Variants in CCNY observed in about 807,000 individuals in gnomAD.
The protein encoded by CCNY is cyclin-Y.
A neutral mutation model predicts 42.8 loss-of-function variants in CCNY; 19 were observed. That is an observed-to-expected ratio of 0.44 (90% CI 0.31 to 0.65). CCNY has a LOEUF of 0.65. Ranked by LOEUF, CCNY falls within the 30% of genes least tolerant of loss-of-function variation. The pLI is 0.07. For synonymous variants in CCNY, 165 were observed against 162.7 expected, an observed-to-expected ratio of 1.01 and a Z score of -0.11; for missense variants, 370 against 437.3, an observed-to-expected ratio of 0.85 and a Z score of 1.37.
intron 1 of CCNY, among the ~76,000 whole-genome samples, chr10:35,470,758 C>T (rs1329969466): frequency 6.6e-6 from 1 of 152,216 alleles, no homozygotes; most frequent in Non-Finnish European, 1.5e-5. Flanking sequence ...TGACAGCCTC[C>T]TGGAGCAAAC....
At chr10:35,452,239 C>T (rs1838934168) in intron 1 of CCNY, among the ~76,000 whole-genome samples, 1 of 152,122 alleles carries the variant, frequency 6.6e-6, no homozygotes. Context: ...TACTGCATTC[C>T]ACACTTGAGG....
intron 1 of CCNY, among the ~76,000 whole-genome samples, chr10:35,425,988 G>A (rs933988647): frequency 1.3e-5 from 2 of 151,222 alleles, no homozygotes; most frequent in Non-Finnish European, 2.9e-5. Context: ...TTTTCACCCT[G>A]GGGGAGACTC....
At chr10:35,424,122 A>G (rs1043347869) in intron 1 of CCNY, among the ~76,000 whole-genome samples, 8 of 152,204 alleles carry the variant, frequency 5.3e-5, no homozygotes, top group African/African-American at 1.7e-4. Context: ...GAAGTTAGTA[A>G]TCATAGCTCC....
chr10:35,375,992 C>G (rs1021684117), intron 1 of CCNY, among the ~76,000 whole-genome samples: 5 of 152,160 alleles, frequency 3.3e-5, no homozygotes, highest in Non-Finnish European at 5.9e-5. Context: ...CTGGGGTGGG[C>G]TGGGTGCAGT....
rs570089192 is a variant in CCNY, at chr10:35,500,514, T to C, written c.230-987T>C. On this transcript the variant is annotated intron_variant, in intron 2 of 9. Coordinates refer to ENST00000374704, the MANE Select transcript of CCNY (RefSeq NM_145012.6). ...GGCATGGACTGTAAGGAGAAAACCT[T>C]CTTCTATCTTTTGTACACTGCTGTT... 2.6e-5 allele frequency among the ~76,000 whole-genome samples: 4 copies of C among 152,340 alleles called. No individual in the cohort carries two copies. The South Asian group carries it at 8.3e-4, about 32-fold the overall frequency.
chr10:35,395,861 C>T (rs1210102268), intron 1 of CCNY, among the ~76,000 whole-genome samples: 1 of 152,108 alleles, frequency 6.6e-6, no homozygotes, highest in East Asian at 1.9e-4. Context: ...TAGGGCTGGG[C>T]CTCTCCAGTG....
intron 1 of CCNY, among the ~76,000 whole-genome samples, chr10:35,345,147 C>G (rs992289258): frequency 1.3e-5 from 2 of 152,196 alleles, no homozygotes; most frequent in Non-Finnish European, 2.9e-5. Flanking sequence ...TGAGGAATCA[C>G]CACACTGACT....
chr10:35,535,375 GGTGCAGTT>G (rs926002524), intron 7 of CCNY, among the ~76,000 whole-genome samples: 1 of 152,100 alleles, frequency 6.6e-6, no homozygotes, highest in African/African-American at 2.4e-5. Flanking sequence ...TCTGGTGGCA[GGTGCAGTT>G]GTGAGTTTGC....
At chr10:35,470,076 A>AATGGAGAGACAGAGAG (rs1839358807) in intron 1 of CCNY, among the ~76,000 whole-genome samples, 1 of 143,268 alleles carries the variant, frequency 7.0e-6, no homozygotes, top group South Asian at 2.4e-4. Flanking sequence ...GAGATAGGGC[A>AATGGAGAGACAGAGAG]ATGGAGAGAC....
chr10:35,569,695 A>G lies in CCNY; in HGVS notation c.*525A>G. 1 of 160,088 alleles carries G rather than the reference A, an allele frequency of 6.2e-6. No homozygotes were observed. Among genetic ancestry groups the G allele is most frequent in the East Asian group, 1.7e-4 (1 of 5,716 alleles). The allele number at this position is 160,088 out of a possible 1,614,324, so 9.9% of individuals were successfully genotyped here. On this transcript the variant is annotated 3_prime_UTR_variant, in exon 10 of 10. Coordinates refer to ENST00000374704, the MANE Select transcript of CCNY (RefSeq NM_145012.6). Reference sequence around the variant, plus strand: ...GCAGGGGATGTAGTTTGTACCCACCATGGCGCAGACTTCCAAATAAATAGT... The same window carrying G: ...GCAGGGGATGTAGTTTGTACCCACCGTGGCGCAGACTTCCAAATAAATAGT...
At chr10:35,475,951 A>C (rs1038924867) in intron 1 of CCNY, among the ~76,000 whole-genome samples, 1 of 152,162 alleles carries the variant, frequency 6.6e-6, no homozygotes, top group Non-Finnish European at 1.5e-5. Flanking sequence ...AAGATCTGCC[A>C]AGCAAATGGA....
intron 1 of CCNY, among the ~76,000 whole-genome samples, chr10:35,463,569 A>G (rs962394206): frequency 5.3e-5 from 8 of 152,248 alleles, no homozygotes; most frequent in Admixed American, 2.0e-4. Flanking sequence ...AAAAGAGTCA[A>G]TGAAGCTAAG....
At chr10:35,439,116 T>C (rs981160328) in intron 1 of CCNY, among the ~76,000 whole-genome samples, 4 of 152,236 alleles carry the variant, frequency 2.6e-5, no homozygotes, top group Non-Finnish European at 4.4e-5. Flanking sequence ...AAAGTTTAAC[T>C]AGCTTTTTGA....
At chr10:35,401,310 T>A (rs1837639469) in intron 1 of CCNY, among the ~76,000 whole-genome samples, 1 of 152,342 alleles carries the variant, frequency 6.6e-6, no homozygotes, top group African/African-American at 2.4e-5. Flanking sequence ...AGGTGTGCTC[T>A]TTTGTGATAG....
chr10:35,312,647 C>T (rs1307187397), intron 3 of CCNY, among the ~76,000 whole-genome samples: 2 of 151,894 alleles, frequency 1.3e-5, no homozygotes, highest in South Asian at 2.1e-4. Flanking sequence ...GGGGTATGTG[C>T]CTCTGCCCCC....
intron 7 of CCNY, among the ~76,000 whole-genome samples, chr10:35,533,796 G>A (rs1031894742): frequency 1.3e-5 from 2 of 152,074 alleles, no homozygotes; most frequent in Non-Finnish European, 2.9e-5. Flanking sequence ...TGGTCTTTTT[G>A]TCCATGTGGT....
At position 35,336,514 on chromosome 10, in the gene CCNY, C is replaced by T. The variant is rs560256635; in HGVS notation, c.-540C>T. The T allele has an allele frequency of 3.3e-5, 5 of 150,044 alleles. No homozygotes were observed. Among genetic ancestry groups the T allele is most frequent in the African/African-American group, 1.2e-4 (5 of 41,150 alleles). The allele number at this position is 150,044 out of a possible 1,614,324, so 9.3% of individuals were successfully genotyped here. The stretch of plus-strand genomic sequence containing the variant: ...GGCGAGGGAGGGCCGCCAGCATCCT[C>T]CCTGGCCGCGCCGCACCGCGCCGCG... On this transcript the variant is annotated 5_prime_UTR_variant, in exon 1 of 10. Transcript: ENST00000374704.
At chr10:35,408,588 A>G (rs1837835806) in intron 1 of CCNY, among the ~76,000 whole-genome samples, 1 of 151,106 alleles carries the variant, frequency 6.6e-6, no homozygotes, top group South Asian at 2.1e-4. Flanking sequence ...TACAAAGTAT[A>G]TTGATCAGTT....
At chr10:35,294,894 T>C (rs1198088322) in intron 3 of CCNY, among the ~76,000 whole-genome samples, 1 of 152,220 alleles carries the variant, frequency 6.6e-6, no homozygotes. Context: ...GTGGTAGTTT[T>C]CTGATGATTA....
Sources: allele counts gnomAD v4.1 joint callset (sites outside exome capture counted in the v4.1 genomes callset), GRCh38; gene constraint gnomAD v4.1.1; transcripts MANE v1.5; gene names NCBI Gene and HGNC (gene_info 2026-07-23, HGNC 2026-07-21).